Variants in MTX2 observed in about 807,000 individuals in gnomAD.
The protein encoded by MTX2 is metaxin-2.
A neutral mutation model predicts 42.3 loss-of-function variants in MTX2; 35 were observed. The ratio of observed to expected loss-of-function variants is 0.83; its 90% CI spans 0.63 to 1.10. MTX2 has a LOEUF of 1.10. Among genes scored for constraint, MTX2 ranks in the 50% least tolerant of loss-of-function variants. The probability of loss-of-function intolerance (pLI) is 0.00; values close to 1 mark genes in which losing one functional copy is unlikely to be tolerated. For synonymous variants in MTX2, 119 were observed against 100.9 expected (o/e 1.18, Z -1.08); for missense variants, 307 against 304.1 (o/e 1.01, Z -0.07).
At chr2:176,283,003 A>T (rs1205065494) in intron 1 of MTX2, among the ~76,000 whole-genome samples, 1 of 152,092 alleles carries the variant, frequency 6.6e-6, no homozygotes, top group African/African-American at 2.4e-5. Context: ...CACCTGGCCA[A>T]TCTAGTTTTA....
At chr2:176,286,426 C>A (rs1266037242) in intron 1 of MTX2, among the ~76,000 whole-genome samples, 1 of 152,072 alleles carries the variant, frequency 6.6e-6, no homozygotes. Context: ...GTTCTGCCTT[C>A]CTTTTTCTGT....
intron 1 of MTX2, among the ~76,000 whole-genome samples, chr2:176,282,559 C>G (rs946039948): frequency 7.2e-5 from 11 of 151,944 alleles, no homozygotes; most frequent in Non-Finnish European, 1.2e-4. Context: ...TCCTGTTTTC[C>G]TCAGGCAGAT....
At chr2:176,318,253 T>C (rs989108810) in intron 3 of MTX2, among the ~76,000 whole-genome samples, 1 of 152,122 alleles carries the variant, frequency 6.6e-6, no homozygotes, top group Non-Finnish European at 1.5e-5. Flanking sequence ...GTTTTTTTCC[T>C]GTGAATTTTT....
intron 3 of MTX2, among the ~76,000 whole-genome samples, chr2:176,311,701 C>G (rs1449977275): frequency 6.6e-6 from 1 of 152,224 alleles, no homozygotes; most frequent in African/African-American, 2.4e-5. Flanking sequence ...GCGTGGGAGC[C>G]ACTGAGCCAG....
chr2:176,336,525 A>C lies in MTX2; in HGVS notation c.621-968A>C, dbSNP rs146410414. Among the ~76,000 whole-genome samples the C allele has an allele frequency of 6.8e-3, 1,036 of 152,272 alleles. 14 individuals are homozygous for C. The highest frequency in any genetic ancestry group is 0.024 in the African/African-American group (977 of 41,540). On this transcript the variant is annotated intron_variant, in intron 9 of 9. Transcript: ENST00000249442. ...TTAAAACACTTAATAAATTGTATTT[A>C]TTAAAACAACTTTATAATTTATGTT...
chr2:176,329,434 C>T lies in MTX2; in HGVS notation c.543+8C>T, dbSNP rs1429581244. 2 of 1,600,362 alleles carry T rather than the reference C, an allele frequency of 1.2e-6. No individual in the cohort carries two copies. The highest frequency in any genetic ancestry group is 1.7e-6 in the Non-Finnish European group (2 of 1,172,178). ...AAGAAGACTCTGGACCAGGTCAGTT[C>T]AGGTTGAAGTTGACAAAACCCTCAA... On this transcript the variant is annotated splice_region_variant and intron_variant, in intron 8 of 9. Coordinates refer to ENST00000249442, the MANE Select transcript of MTX2 (RefSeq NM_006554.5).
intron 7 of MTX2, 135 bp from the exon 8 acceptor site, chr2:176,329,166 A>G: frequency 1.8e-6 from 2 of 1,101,404 alleles, no homozygotes; most frequent in Admixed American, 3.1e-5. Context: ...AATTTTTTAG[A>G]TTGCAGGATG....
rs61139522 is a variant in MTX2, at chr2:176,285,418, C to CTT, written c.41-11424_41-11423dup. On this transcript the variant is annotated intron_variant, in intron 1 of 9. Coordinates refer to ENST00000249442, the MANE Select transcript of MTX2 (RefSeq NM_006554.5). The stretch of plus-strand genomic sequence containing the variant: ...ATAATTGTGTGACTATTGCCACAAT[C>CTT]TTTTTTTTTTTTTTTTTTTAGTTTT... Among the ~76,000 whole-genome samples the CTT allele has an allele frequency of 4.7e-3, 613 of 130,740 alleles. 6 individuals carry two copies. Among genetic ancestry groups the CTT allele is most frequent in the East Asian group, 0.035 (157 of 4,468 alleles). 85.8% of individuals were successfully genotyped at this position (130,740 alleles called of 152,430 possible). A position where few individuals can be genotyped will look rare whatever the true frequency, so the allele number is the denominator to read the frequency against.
intron 3 of MTX2, among the ~76,000 whole-genome samples, chr2:176,303,853 C>T (rs895483469): frequency 2.0e-5 from 3 of 151,884 alleles, no homozygotes; most frequent in South Asian, 4.1e-4. Context: ...GATATAAATA[C>T]GTATTTAACT....
intron 3 of MTX2, among the ~76,000 whole-genome samples, chr2:176,307,187 T>G (rs1159249883): frequency 1.5e-4 from 23 of 152,350 alleles, no homozygotes; most frequent in African/African-American, 5.5e-4. Context: ...TTTCTTGTTT[T>G]TGTCAGGTTT....
chr2:176,334,113 A>T (rs1684931335), intron 9 of MTX2, among the ~76,000 whole-genome samples: 1 of 151,754 alleles, frequency 6.6e-6, no homozygotes, highest in Admixed American at 6.6e-5. Flanking sequence ...CCCATATATA[A>T]TTCAGTACCT....
At chr2:176,279,066 C>G (rs1213842104) in intron 1 of MTX2, among the ~76,000 whole-genome samples, 1 of 152,048 alleles carries the variant, frequency 6.6e-6, no homozygotes, top group Non-Finnish European at 1.5e-5. Context: ...ACTGTGTTGG[C>G]AAAATAGAAA....
chr2:176,282,410 G>A (rs988594957), intron 1 of MTX2, among the ~76,000 whole-genome samples: 5 of 151,866 alleles, frequency 3.3e-5, no homozygotes, highest in Admixed American at 6.5e-5. Flanking sequence ...TTTTGCCTCC[G>A]TTTCCTCAAA....
chr2:176,296,191 A>G (rs1376950804), intron 1 of MTX2, among the ~76,000 whole-genome samples: 3 of 152,138 alleles, frequency 2.0e-5, no homozygotes, highest in Admixed American at 6.6e-5. Context: ...TTTCAGGCCT[A>G]AAATTATCTT....
intron 3 of MTX2, among the ~76,000 whole-genome samples, chr2:176,309,827 C>G (rs547013119): frequency 1.4e-5 from 2 of 147,992 alleles, no homozygotes; most frequent in African/African-American, 5.0e-5. Flanking sequence ...CTCCTGAATA[C>G]AGCACACTGA....
Position 176,297,914 on chromosome 2 carries a change from TA to T in MTX2, c.135+21del. The T allele has an allele frequency of 6.5e-7, 1 of 1,529,604 alleles. No homozygotes were observed. Among genetic ancestry groups the T allele is most frequent in the Non-Finnish European group, 8.8e-7 (1 of 1,132,710 alleles). 94.8% of individuals were successfully genotyped at this position (1,529,604 alleles called of 1,614,324 possible). A position where few individuals can be genotyped will look rare whatever the true frequency, so the allele number is the denominator to read the frequency against. On this transcript the variant is annotated intron_variant, in intron 3 of 9. Coordinates refer to ENST00000249442, the MANE Select transcript of MTX2 (RefSeq NM_006554.5). ...AGTGCAGGTAAATATGTAAATAATG[TA>T]ATATCTTTTTCACCCCCTAGGTGGT... is the stretch of plus-strand genomic sequence containing the variant.
chr2:176,328,512 G>T, intron 6 of MTX2, 127 bp downstream of exon 6: 1 of 597,492 alleles, frequency 1.7e-6, no homozygotes. Context: ...AGTTGAGTTG[G>T]CTACCTAAAT....
chr2:176,287,569 A>T (rs1238135841), intron 1 of MTX2, among the ~76,000 whole-genome samples: 1 of 152,186 alleles, frequency 6.6e-6, no homozygotes, highest in African/African-American at 2.4e-5. Context: ...GGAATTTTGG[A>T]TAAGGGATAC....
At chr2:176,286,159 A>G (rs1207832761) in intron 1 of MTX2, among the ~76,000 whole-genome samples, 2 of 152,272 alleles carry the variant, frequency 1.3e-5, no homozygotes, top group East Asian at 1.9e-4. Context: ...CCATTTGTAT[A>G]TCTCCTTTGG....
Sources: allele counts gnomAD v4.1 joint callset (sites outside exome capture counted in the v4.1 genomes callset), GRCh38; gene constraint gnomAD v4.1.1; transcripts MANE v1.5; gene names NCBI Gene and HGNC (gene_info 2026-07-23, HGNC 2026-07-21).